The following SLC38A9 variants were observed in gnomAD, a reference collection of about 807,000 sequenced individuals.
The protein encoded by SLC38A9 is solute carrier family 38 member 9.
In SLC38A9, 48 loss-of-function variants were observed where a neutral mutation model predicts 62.3. The ratio of observed to expected loss-of-function variants is 0.77; its 90% CI spans 0.61 to 0.98. The LOEUF (loss-of-function observed/expected upper bound fraction) is 0.98, where lower values mean the gene tolerates loss of function less well. SLC38A9 is among the 50% of genes least tolerant of loss of function. The pLI is 0.00. For synonymous variants in SLC38A9, 204 were observed against 227.7 expected (o/e 0.90, Z 0.94); for missense variants, 541 against 679.8 (o/e 0.80, Z 2.27).
rs1238663554 is a variant in SLC38A9, at chr5:55,657,161, A to C, written c.698-387T>G. On this transcript the variant is annotated intron_variant, in intron 8 of 15. Transcript: ENST00000396865. ...GCCCAGCCTATAAAAATCTTTTAAT[A>C]TCTGTGTAGTAATCTAGTACACTGA... Among the ~76,000 whole-genome samples the C allele has an allele frequency of 2.0e-5, 3 of 152,328 alleles. No individual in the cohort carries two copies. In the East Asian group the frequency reaches 5.8e-4, roughly 29 times the overall value.
rs1750164285 is a variant in SLC38A9, at chr5:55,664,678, G to A, written c.697+15C>T. On this transcript the variant is annotated intron_variant, in intron 8 of 15. Coordinates refer to ENST00000396865, the MANE Select transcript of SLC38A9 (RefSeq NM_173514.4). ...TGAAAGTACTGTGTTAAAAGCATATGATATAGATACTTACTAAAAATAAAC... is the reference window on the plus strand; with the variant it reads ...TGAAAGTACTGTGTTAAAAGCATATAATATAGATACTTACTAAAAATAAAC... 2 of 1,399,274 alleles carry A rather than the reference G, an allele frequency of 1.4e-6. No homozygotes were observed. Among genetic ancestry groups the A allele is most frequent in the South Asian group, 1.5e-5 (1 of 66,982 alleles). 86.7% of individuals were successfully genotyped at this position (1,399,274 alleles called of 1,614,324 possible).
intron 3 of SLC38A9, chr5:55,694,207 CAAAA>C: frequency 8.7e-4 from 150 of 171,790 alleles, no homozygotes; most frequent in South Asian, 2.7e-3. Flanking sequence ...GACCCTGTCT[CAAAA>C]AAAAAAAAAA....
At chr5:55,633,950 C>A in intron 13 of SLC38A9, 48 bp from the exon 14 acceptor site, 3 of 1,405,942 alleles carry the variant, frequency 2.1e-6, no homozygotes, top group Non-Finnish European at 3.0e-6. Context: ...AAATTCAGTA[C>A]ACACATTCAT....
At chr5:55,674,031 A>C (rs1751741802) in intron 3 of SLC38A9, among the ~76,000 whole-genome samples, 1 of 152,218 alleles carries the variant, frequency 6.6e-6, no homozygotes, top group South Asian at 2.1e-4. Context: ...ATCTTGTGGG[A>C]AGTACTTGAA....
chr5:55,697,494 G>A lies in SLC38A9; in HGVS notation c.113+352C>T, dbSNP rs572689118. On this transcript the variant is annotated intron_variant, in intron 3 of 15. Transcript: ENST00000396865. Reference sequence around the variant, plus strand: ...GCTGAAATTTTACCTCAATGAAGATGAAGATTTTCTATTACTTTTACTCTT... The same window carrying A: ...GCTGAAATTTTACCTCAATGAAGATAAAGATTTTCTATTACTTTTACTCTT... Among the ~76,000 whole-genome samples the A allele has an allele frequency of 5.9e-5, 9 of 152,066 alleles. No individual in the cohort carries two copies. In the East Asian group the frequency reaches 1.5e-3, roughly 26 times the overall value.
intron 14 of SLC38A9, 131 bp downstream of exon 14, chr5:55,633,623 A>G (rs2150048510): frequency 8.0e-7 from 1 of 1,243,322 alleles, no homozygotes; most frequent in East Asian, 2.5e-5. Flanking sequence ...GAGGACACCA[A>G]TGATCTATCT....
chr5:55,628,015 A>C, intron 14 of SLC38A9, 35 bp from the exon 15 acceptor site: 3 of 1,433,946 alleles, frequency 2.1e-6, no homozygotes, highest in South Asian at 1.2e-5. Context: ...AAGAAAGAAA[A>C]AATATAAAAA....
chr5:55,639,217 G>A lies in SLC38A9; in HGVS notation c.1168-3560C>T, dbSNP rs557329560. Among the ~76,000 whole-genome samples the A allele has an allele frequency of 4.1e-5, 6 of 145,958 alleles. No homozygotes were observed. The South Asian group carries it at 1.3e-3, about 31-fold the overall frequency. On this transcript the variant is annotated intron_variant, in intron 12 of 15. Transcript: ENST00000396865. Reference sequence around the variant, plus strand: ...GAACCGGGAAGGCGGAGGTTGCAGCGAGCCAAGATGGTGCCACTGCACTCC... The same window carrying A: ...GAACCGGGAAGGCGGAGGTTGCAGCAAGCCAAGATGGTGCCACTGCACTCC...
intron 8 of SLC38A9, among the ~76,000 whole-genome samples, chr5:55,656,981 C>T (rs983771545): frequency 6.6e-6 from 1 of 152,140 alleles, no homozygotes; most frequent in African/African-American, 2.4e-5. Context: ...CTGCCTCAGC[C>T]TCCCGAGTAG....
rs140887008 is a variant in SLC38A9, at chr5:55,662,390, G to A, written c.697+2303C>T. Among the ~76,000 whole-genome samples the A allele has an allele frequency of 1.7e-3, 265 of 152,252 alleles. 1 individual carries two copies. Among genetic ancestry groups the A allele is most frequent in the African/African-American group, 6.0e-3 (250 of 41,556 alleles). On this transcript the variant is annotated intron_variant, in intron 8 of 15. Transcript: ENST00000396865. ...GCGTTTATGTAGATTAAAAACAAGC[G>A]GCCAGGTGCCATGGCTCACACCTGT...
At chr5:55,694,425 T>C (rs1755168302) in intron 3 of SLC38A9, among the ~76,000 whole-genome samples, 1 of 152,080 alleles carries the variant, frequency 6.6e-6, no homozygotes, top group African/African-American at 2.4e-5. Flanking sequence ...GTCAGTGACC[T>C]GGAAGAAAAT....
intron 12 of SLC38A9, among the ~76,000 whole-genome samples, chr5:55,642,010 C>T (rs1425673530): frequency 6.6e-6 from 1 of 152,218 alleles, no homozygotes; most frequent in Non-Finnish European, 1.5e-5. Flanking sequence ...TGCCTGTAAT[C>T]TAACTCATTT....
chr5:55,686,387 G>T (rs112641351), intron 3 of SLC38A9, among the ~76,000 whole-genome samples: 1 of 151,120 alleles, frequency 6.6e-6, no homozygotes, highest in Non-Finnish European at 1.5e-5. Flanking sequence ...GTGATATTGA[G>T]CTTTTTTTAT....
chr5:55,666,266 C>T (rs1422456068), intron 7 of SLC38A9, among the ~76,000 whole-genome samples: 1 of 152,026 alleles, frequency 6.6e-6, no homozygotes, highest in Non-Finnish European at 1.5e-5. Context: ...TTTGCTTTTC[C>T]ATGATAGGAT....
rs550900951 is a variant in SLC38A9 at position 55,708,096 on chromosome 5, AGAGACT to A, written c.-35+3350_-35+3355del. 5.0e-4 allele frequency among the ~76,000 whole-genome samples: 76 copies of A among 152,364 alleles called. 1 individual carries two copies. The South Asian group carries it at 0.016, about 31-fold the overall frequency. ...CAAGTATTTCATTAGAGCAGCACCA[AGAGACT>A]GAGATAGGTCCCAGTAGGGAATGAA... is the stretch of plus-strand genomic sequence containing the variant. On this transcript the variant is annotated intron_variant, in intron 2 of 15. Coordinates refer to ENST00000396865, the MANE Select transcript of SLC38A9 (RefSeq NM_173514.4).
chr5:55,652,019 A>G (rs1747579510), intron 10 of SLC38A9, among the ~76,000 whole-genome samples: 1 of 129,504 alleles, frequency 7.7e-6, no homozygotes, highest in Non-Finnish European at 1.7e-5. Flanking sequence ...ACTTTTCTCC[A>G]TGCCAAACTC....
At chr5:55,673,293 T>G (rs998537548) in intron 3 of SLC38A9, 1 of 152,250 alleles carries the variant, frequency 6.6e-6, no homozygotes, top group Non-Finnish European at 1.5e-5. Context: ...TTGCGGATTT[T>G]AGTAACATAC....
chr5:55,710,718 C>T (rs1176395731), intron 2 of SLC38A9, among the ~76,000 whole-genome samples: 4 of 151,788 alleles, frequency 2.6e-5, no homozygotes, highest in Admixed American at 6.6e-5. Flanking sequence ...TGGGTTCAAG[C>T]GATTCTCCTG....
chr5:55,627,308 A>G (rs1035483469), intron 15 of SLC38A9, among the ~76,000 whole-genome samples: 7 of 152,104 alleles, frequency 4.6e-5, no homozygotes, highest in Non-Finnish European at 8.8e-5. Flanking sequence ...CCTGCTGTCC[A>G]TAGTAAGAGA....
Sources: gnomAD v4.1 joint callset for allele counts (sites outside exome capture counted in the v4.1 genomes callset) on GRCh38, gnomAD v4.1.1 for gene constraint, MANE v1.5 for transcripts, NCBI Gene and HGNC (gene_info 2026-07-23, HGNC 2026-07-21) for gene names.